The following TBC1D22A variants were observed in gnomAD, a reference collection of about 807,000 sequenced individuals.
TBC1D22A encodes the protein putative GTPase activator.
A neutral mutation model predicts 60.2 loss-of-function variants in TBC1D22A; 38 were observed. The ratio of observed to expected loss-of-function variants is 0.63; its 90% CI spans 0.49 to 0.83. TBC1D22A has a LOEUF of 0.83. Among genes scored for constraint, TBC1D22A ranks in the 40% least tolerant of loss-of-function variants. The pLI is 0.00. For missense variants in TBC1D22A, 628 were observed against 701.0 expected (o/e 0.90, Z 1.18); for synonymous variants, 302 against 281.7 (o/e 1.07, Z -0.72).
At chr22:47,018,717 T>G (rs892985612) in intron 10 of TBC1D22A, among the ~76,000 whole-genome samples, 4 of 152,120 alleles carry the variant, frequency 2.6e-5, no homozygotes, top group Non-Finnish European at 5.9e-5. Flanking sequence ...CCACCGTGTC[T>G]CCTGCTCACC....
At chr22:47,133,019 T>C (rs1217232093) in intron 12 of TBC1D22A, among the ~76,000 whole-genome samples, 3 of 152,226 alleles carry the variant, frequency 2.0e-5, no homozygotes, top group Non-Finnish European at 2.9e-5. Flanking sequence ...GAGCCAAGTG[T>C]GCTCATTGAG....
chr22:46,875,837 A>C (rs1235318652), intron 4 of TBC1D22A, among the ~76,000 whole-genome samples: 1 of 152,154 alleles, frequency 6.6e-6, no homozygotes, highest in Non-Finnish European at 1.5e-5. Flanking sequence ...AAAGGGGAGG[A>C]GGAAAGGATG....
intron 11 of TBC1D22A, among the ~76,000 whole-genome samples, chr22:47,103,189 C>G (rs187695373): frequency 6.6e-6 from 1 of 152,072 alleles, no homozygotes; most frequent in South Asian, 2.1e-4. Context: ...TAATTTCGTT[C>G]GGTTTCCATT....
Position 46,762,712 on chromosome 22 carries a change from A to G in TBC1D22A, c.-75A>G, listed in dbSNP as rs894049008. ...AGCAGTGAGGGGCCACCCGGGGCAC[A>G]GGAAAGGGCCGCTAGGGGAGGGCCG... On this transcript the variant is annotated 5_prime_UTR_variant, in exon 1 of 13. Coordinates refer to ENST00000337137, the MANE Select transcript of TBC1D22A (RefSeq NM_014346.5). The G allele has an allele frequency of 8.3e-6, 11 of 1,317,600 alleles. No homozygotes were observed. In the Admixed American group the frequency reaches 1.2e-4, roughly 15 times the overall value. The allele number at this position is 1,317,600 out of a possible 1,614,324, so 81.6% of individuals were successfully genotyped here.
In TBC1D22A at chr22:46,863,355, G is replaced by A. The variant is rs143689106; in HGVS notation, c.638-15298G>A. Among the ~76,000 whole-genome samples, 75 of 152,350 alleles carry A rather than the reference G, an allele frequency of 4.9e-4. 2 individuals are homozygous for A. The East Asian group carries it at 0.011, about 22-fold the overall frequency. ...GGGCAGGAGACATACTGGTATGCCA[G>A]TAGTAGATTCGGAATGTCTCTTCTG... is the stretch of plus-strand genomic sequence containing the variant. On this transcript the variant is annotated intron_variant, in intron 4 of 12. Transcript: ENST00000337137.
At position 47,167,295 on chromosome 22, in the gene TBC1D22A, G is replaced by A. The variant is rs561354760; in HGVS notation, c.1426-6203G>A. 3.9e-3 allele frequency among the ~76,000 whole-genome samples: 597 copies of A among 152,328 alleles called. 4 individuals are homozygous for A. The highest frequency in any genetic ancestry group is 6.7e-3 in the Non-Finnish European group (453 of 68,032). On this transcript the variant is annotated intron_variant, in intron 12 of 12. Coordinates refer to ENST00000337137, the MANE Select transcript of TBC1D22A (RefSeq NM_014346.5). ...TCGTGGGCACCAGAAGCCCCGTAGT[G>A]GAAGGTGTAACCAGCCATTCAAGCA...
At chr22:47,012,597 G>A (rs1251820438) in intron 10 of TBC1D22A, among the ~76,000 whole-genome samples, 16 of 151,994 alleles carry the variant, frequency 1.1e-4, no homozygotes, top group Admixed American at 1.0e-3. Flanking sequence ...CTGCCTTCCC[G>A]GCTCTTCCTG....
chr22:46,982,759 C>A (rs192886017), intron 9 of TBC1D22A, among the ~76,000 whole-genome samples: 97 of 152,218 alleles, frequency 6.4e-4, no homozygotes, highest in Admixed American at 5.1e-3. Context: ...GATTCAGGAG[C>A]CTAAACTAGG....
chr22:46,944,408 C>CTT (rs1032830734), intron 8 of TBC1D22A, among the ~76,000 whole-genome samples: 2 of 152,008 alleles, frequency 1.3e-5, no homozygotes, highest in Non-Finnish European at 2.9e-5. Context: ...ATGCATTCCT[C>CTT]TTTTTTTTGA....
intron 7 of TBC1D22A, among the ~76,000 whole-genome samples, chr22:46,902,253 CT>C (rs2069051532): frequency 6.6e-6 from 1 of 152,338 alleles, no homozygotes; most frequent in Non-Finnish European, 1.5e-5. Flanking sequence ...GGGAATACCT[CT>C]GGTTTTTAAA....
chr22:46,896,568 C>T (rs1254299118), intron 7 of TBC1D22A, among the ~76,000 whole-genome samples: 1 of 152,106 alleles, frequency 6.6e-6, no homozygotes, highest in Non-Finnish European at 1.5e-5. Context: ...GTGGCAGTCC[C>T]CATACTGTTT....
At chr22:46,941,382 A>G (rs1373587776) in intron 8 of TBC1D22A, among the ~76,000 whole-genome samples, 1 of 145,430 alleles carries the variant, frequency 6.9e-6, no homozygotes, top group Non-Finnish European at 1.5e-5. Flanking sequence ...TACAGAATAT[A>G]TATACGGAAT....
rs200906218 is a variant in TBC1D22A, at chr22:46,793,654, C to T, written c.273C>T (p.Ser91=). The change falls in exon 3 of 13, where the codon TCC becomes TCT. Residue 91 remains serine, a synonymous_variant. Transcript: ENST00000337137. ...CCATGGCGGCGGAGAGCCTGAACTC[C>T]GAGGTGGTCATGGAGACGGCCAACC... ...LLAMAAESLN[S]EVVMETANRV... is the part of the protein sequence containing the mutation. 24 of 1,613,552 alleles carry T rather than the reference C, an allele frequency of 1.5e-5. No homozygotes were observed. The highest frequency in any genetic ancestry group is 4.0e-5 in the African/African-American group (3 of 75,056).
At chr22:47,127,826 C>T (rs73889411) in intron 12 of TBC1D22A, among the ~76,000 whole-genome samples, 3,395 of 151,732 alleles carry the variant, frequency 0.022, 135 homozygotes, top group African/African-American at 0.078. Context: ...TGGCAAGTGC[C>T]TTATGTTGGT....
intron 8 of TBC1D22A, among the ~76,000 whole-genome samples, chr22:46,921,248 C>T (rs946717920): frequency 6.6e-6 from 1 of 152,176 alleles, no homozygotes; most frequent in African/African-American, 2.4e-5. Context: ...CCGCTCTCCA[C>T]CCTCAGGCAG....
At chr22:46,789,961 G>A (rs1320742292) in intron 1 of TBC1D22A, among the ~76,000 whole-genome samples, 9 of 150,644 alleles carry the variant, frequency 6.0e-5, no homozygotes, top group Non-Finnish European at 8.9e-5. Flanking sequence ...GAGTCACGAG[G>A]AAAGGACACA....
chr22:46,885,190 T>C (rs2068049896), intron 5 of TBC1D22A, among the ~76,000 whole-genome samples: 1 of 151,974 alleles, frequency 6.6e-6, no homozygotes, highest in South Asian at 2.1e-4. Context: ...GCTGGGTGAA[T>C]GAATGTTGTT....
intron 9 of TBC1D22A, among the ~76,000 whole-genome samples, chr22:46,987,614 A>T (rs569718870): frequency 6.6e-6 from 1 of 152,360 alleles, no homozygotes; most frequent in East Asian, 1.9e-4. Context: ...ATAGCATTGT[A>T]TCTAAAAAGT....
intron 11 of TBC1D22A, among the ~76,000 whole-genome samples, chr22:47,054,125 C>T (rs971199458): frequency 6.6e-6 from 1 of 152,198 alleles, no homozygotes; most frequent in African/African-American, 2.4e-5. Context: ...GCATGCATCC[C>T]TGACTCAAGA....
Sources: gnomAD v4.1 joint callset for allele counts (sites outside exome capture counted in the v4.1 genomes callset) on GRCh38, gnomAD v4.1.1 for gene constraint, MANE v1.5 for transcripts, NCBI Gene and HGNC (gene_info 2026-07-23, HGNC 2026-07-21) for gene names.